The following ZNF707 variants were observed in gnomAD, a reference collection of about 807,000 sequenced individuals.
The protein encoded by ZNF707 is zinc finger protein 707.
In ZNF707, 8 loss-of-function variants were observed where a neutral mutation model predicts 13.3. The ratio of observed to expected loss-of-function variants is 0.60; its 90% CI spans 0.35 to 1.09. The LOEUF is 1.09. Among genes scored for constraint, ZNF707 ranks in the 50% least tolerant of loss-of-function variants. The pLI, the probability that ZNF707 is intolerant of heterozygous loss-of-function variation, is 0.02. For synonymous variants in ZNF707, 225 were observed against 205.6 expected, an observed-to-expected ratio of 1.09 and a Z score of -0.81; for missense variants, 530 against 512.6, an observed-to-expected ratio of 1.03 and a Z score of -0.33.
intron 1 of ZNF707, chr8:143,684,834 T>A (rs1335067803): frequency 6.6e-6 from 1 of 152,432 alleles, no homozygotes; most frequent in Non-Finnish European, 1.5e-5. Flanking sequence ...TGACCTTAGT[T>A]ATCCCTCATA....
At chr8:143,686,183 C>T (rs545274550) in intron 1 of ZNF707, among the ~76,000 whole-genome samples, 2 of 151,984 alleles carry the variant, frequency 1.3e-5, no homozygotes, top group Non-Finnish European at 2.9e-5. Flanking sequence ...CTGCAACCTC[C>T]GCCTCCCGGG....
In ZNF707 at chr8:143,694,564, G is replaced by T. The variant is rs782678907; in HGVS notation, c.*34G>T. On this transcript the variant is annotated 3_prime_UTR_variant, in exon 6 of 6. Coordinates refer to ENST00000358656, the MANE Select transcript of ZNF707 (RefSeq NM_001100598.2). The surrounding 1 kb of genome is among the most constrained non-coding windows in gnomAD (Gnocchi z 4.4). ...GAAGAGTGGGGTGCTGCGCCTCTGC[G>T]GGAGTACTGGGTCCTGAGGGAGAGC... 1.9e-6 allele frequency: 3 copies of T among 1,547,552 alleles called. No individual in the cohort carries two copies. Among genetic ancestry groups the T allele is most frequent in the East Asian group, 2.3e-5 (1 of 43,960 alleles).
chr8:143,690,326 C>T, intron 3 of ZNF707: 2 of 600,982 alleles, frequency 3.3e-6, no homozygotes, highest in Non-Finnish European at 2.8e-6. Context: ...AATCCTAGCA[C>T]TTTGGGAGGC....
At chr8:143,691,770 G>A (rs1323242943) in intron 5 of ZNF707, 57 bp downstream of exon 5, 2 of 1,447,966 alleles carry the variant, frequency 1.4e-6, no homozygotes, top group East Asian at 2.5e-5. Flanking sequence ...CACAGCTCCT[G>A]GGTAGTGCTC....
In ZNF707 at chr8:143,690,105, T is replaced by C. The variant is rs1554613100; in HGVS notation, c.-4T>C. 4.0e-5 allele frequency: 64 copies of C among 1,608,286 alleles called. No homozygotes were observed. Among genetic ancestry groups the C allele is most frequent in the Non-Finnish European group, 5.4e-5 (64 of 1,179,714 alleles). Reference sequence around the variant, plus strand: ...TTCCCCAGAGGGGTGGCCTCGCTGTTCCCATGGACATGGCCCAGGTGAGCC... The same window carrying C: ...TTCCCCAGAGGGGTGGCCTCGCTGTCCCCATGGACATGGCCCAGGTGAGCC... On this transcript the variant is annotated 5_prime_UTR_variant, in exon 3 of 6. Transcript: ENST00000358656.
At position 143,694,605 on chromosome 8, in the gene ZNF707, C is replaced by T; in HGVS notation, c.*75C>T. 7.0e-7 allele frequency: 1 copy of T among 1,437,420 alleles called. No homozygotes were observed. Among genetic ancestry groups the T allele is most frequent in the Non-Finnish European group, 9.2e-7 (1 of 1,085,326 alleles). 89.0% of individuals were successfully genotyped at this position (1,437,420 alleles called of 1,614,324 possible). A position where few individuals can be genotyped will look rare whatever the true frequency, so the allele number is the denominator to read the frequency against. On this transcript the variant is annotated 3_prime_UTR_variant, in exon 6 of 6. Transcript: ENST00000358656. This position sits in a 1 kb window ranked among gnomAD's most constrained non-coding sequence, Gnocchi z 4.4. ...GAGGGAGAGCTGCAGTGAGAAGTTGCTCTTCAGCCTGGAAAATCAACCTGA... is the reference window on the plus strand; with the variant it reads ...GAGGGAGAGCTGCAGTGAGAAGTTGTTCTTCAGCCTGGAAAATCAACCTGA...
At position 143,694,724 on chromosome 8, in the gene ZNF707, C is replaced by A. The variant is rs902873805; in HGVS notation, c.*194C>A. The A allele has an allele frequency of 9.1e-5, 57 of 625,044 alleles. No individual in the cohort carries two copies. The East Asian group carries it at 1.7e-3, about 18-fold the overall frequency. The allele number at this position is 625,044 out of a possible 1,614,324, so 38.7% of individuals were successfully genotyped here. On this transcript the variant is annotated 3_prime_UTR_variant, in exon 6 of 6. Transcript: ENST00000358656. The surrounding 1 kb of genome is among the most constrained non-coding windows in gnomAD (Gnocchi z 4.4). ...GGTGGGAGAAGCAGAGCCATGGGTA[C>A]GCCGGAGATGGCGGGGGCTCTGGAG...
intron 5 of ZNF707, 59 bp downstream of exon 5, chr8:143,691,772 G>A (rs1313180796): frequency 3.5e-6 from 5 of 1,424,516 alleles, no homozygotes; most frequent in Non-Finnish European, 3.9e-6. Context: ...CAGCTCCTGG[G>A]TAGTGCTCAG....
intron 1 of ZNF707, chr8:143,687,337 T>G (rs1451723949): frequency 6.6e-6 from 1 of 151,898 alleles, no homozygotes; most frequent in African/African-American, 2.4e-5. Context: ...GTTTGTTTGT[T>G]TTTGTTTTTG....
intron 3 of ZNF707, 122 bp downstream of exon 3, chr8:143,690,245 T>C: frequency 7.5e-7 from 1 of 1,327,884 alleles, no homozygotes; most frequent in Non-Finnish European, 1.0e-6. Flanking sequence ...GTGTCTGCCT[T>C]TCTGCCTTCT....
At chr8:143,684,953 A>AC (rs1212236534) in intron 1 of ZNF707, 1 of 151,670 alleles carries the variant, frequency 6.6e-6, no homozygotes, top group Non-Finnish European at 1.5e-5. Flanking sequence ...AGCTCCTGCA[A>AC]CCTCCACACC....
At chr8:143,692,282 A>G in intron 5 of ZNF707, 1 of 1,289,832 alleles carries the variant, frequency 7.8e-7, no homozygotes. Flanking sequence ...GAGCCCTGGG[A>G]GGTCCCCGGG....
In ZNF707 at chr8:143,691,780, C is replaced by T. The variant is rs77918805; in HGVS notation, c.256+67C>T. The T allele has an allele frequency of 2.4e-3, 3,268 of 1,335,868 alleles. 68 individuals carry two copies. The African/African-American group carries it at 0.043, about 18-fold the overall frequency. 82.8% of individuals were successfully genotyped at this position (1,335,868 alleles called of 1,614,324 possible). A position where few individuals can be genotyped will look rare whatever the true frequency, so the allele number is the denominator to read the frequency against. Reference sequence around the variant, plus strand: ...TGGCCCACAGCTCCTGGGTAGTGCTCAGCACGCTGCAGTGACCAAGGGTGT... The same window carrying T: ...TGGCCCACAGCTCCTGGGTAGTGCTTAGCACGCTGCAGTGACCAAGGGTGT... On this transcript the variant is annotated intron_variant, in intron 5 of 5. Coordinates refer to ENST00000358656, the MANE Select transcript of ZNF707 (RefSeq NM_001100598.2).
Position 143,694,497 on chromosome 8 carries a change from G to A in ZNF707, c.1083G>A (p.Arg361=), listed in dbSNP as rs754197074. The change falls in exon 6 of 6, where the codon CGG becomes CGA. Residue 361 remains arginine, a synonymous_variant. Transcript: ENST00000358656. This position sits in a 1 kb window ranked among gnomAD's most constrained non-coding sequence, Gnocchi z 4.4. ...KGFRHLGFFT[R]HQRTHRHGEV Reference sequence around the variant, plus strand: ...TCCGTCACCTGGGGTTCTTCACGCGGCATCAGAGGACTCACAGGCACGGGG... The same window carrying A: ...TCCGTCACCTGGGGTTCTTCACGCGACATCAGAGGACTCACAGGCACGGGG... The A allele has an allele frequency of 2.8e-5, 45 of 1,607,982 alleles. No individual in the cohort carries two copies. The highest frequency in any genetic ancestry group is 3.7e-5 in the Non-Finnish European group (43 of 1,176,332).
intron 5 of ZNF707, 111 bp downstream of exon 5, chr8:143,691,824 C>T (rs1045335523): frequency 6.8e-6 from 7 of 1,029,926 alleles, no homozygotes; most frequent in Non-Finnish European, 1.0e-5. Context: ...CATGGGAGAG[C>T]AGACACACAG....
rs782108979 is a variant in ZNF707, at chr8:143,693,845, A to C, written c.431A>C (p.Lys144Thr). The change falls in exon 6 of 6, where the codon AAG becomes ACG. Residue 144 changes from lysine (K) to threonine (T), a missense_variant. Lys to Thr is a moderately conservative substitution (Grantham distance 78). Transcript: ENST00000358656. The surrounding 1 kb of genome is among the most constrained non-coding windows in gnomAD (Gnocchi z 4.1). Reference protein sequence around the residue: ...PRAAPERTDAKPTAFPCQVLT... With the variant: ...PRAAPERTDATPTAFPCQVLT... ...GCTGCTCCAGAAAGGACAGACGCCA[A>C]GCCCACGGCTTTCCCGTGTCAGGTG... 1.2e-6 allele frequency: 2 copies of C among 1,611,634 alleles called. No individual in the cohort carries two copies. The highest frequency in any genetic ancestry group is 4.5e-5 in the East Asian group (2 of 44,868).
intron 3 of ZNF707, 164 bp downstream of exon 3, chr8:143,690,287 T>G: frequency 1.1e-6 from 1 of 877,990 alleles, no homozygotes; most frequent in Non-Finnish European, 1.7e-6. Context: ...AAAAGAAAAT[T>G]GGGGCCAGGC....
chr8:143,691,818 G>C (rs1422344026), intron 5 of ZNF707, 105 bp downstream of exon 5: 21 of 1,084,852 alleles, frequency 1.9e-5, no homozygotes, highest in Non-Finnish European at 2.7e-5. Flanking sequence ...CCTTCCCATG[G>C]GAGAGCAGAC....
Position 143,691,156 on chromosome 8 carries a change from C to T in ZNF707, c.99C>T (p.Tyr33=). 2 of 1,613,754 alleles carry T rather than the reference C, an allele frequency of 1.2e-6. No homozygotes were observed. Among genetic ancestry groups the T allele is most frequent in the Non-Finnish European group, 1.7e-6 (2 of 1,179,774 alleles). Residue 33 remains tyrosine, a synonymous_variant, in exon 4 of 6, where the codon TAC becomes TAT. Coordinates refer to ENST00000358656, the MANE Select transcript of ZNF707 (RefSeq NM_001100598.2). ...ACLEPSQRAL[Y]RDVMLDNFSS... is the part of the protein sequence containing the mutation. The stretch of plus-strand genomic sequence containing the variant: ...TGGAACCCAGCCAGAGGGCCCTCTA[C>T]CGGGACGTGATGCTGGACAACTTCA...
Sources: allele counts gnomAD v4.1 joint callset (sites outside exome capture counted in the v4.1 genomes callset), GRCh38; gene constraint gnomAD v4.1.1; non-coding constraint Gnocchi (gnomAD v3.1); transcripts MANE v1.5; gene names NCBI Gene and HGNC (gene_info 2026-07-23, HGNC 2026-07-21).